Variants in STK3 observed in about 807,000 individuals in gnomAD.
STK3 encodes serine/threonine-protein kinase 3.
A neutral mutation model predicts 58.0 loss-of-function variants in STK3; 41 were observed. The ratio of observed to expected loss-of-function variants is 0.71; its 90% CI spans 0.55 to 0.92. STK3 has a LOEUF of 0.92. Among genes scored for constraint, STK3 ranks in the 40% least tolerant of loss-of-function variants. STK3 has a pLI of 0.00. For synonymous variants in STK3, 170 were observed against 191.0 expected, an observed-to-expected ratio of 0.89 and a Z score of 0.91; for missense variants, 479 against 602.7, an observed-to-expected ratio of 0.79 and a Z score of 2.15.
At chr8:98,588,659 G>T (rs1163407558) in intron 7 of STK3, among the ~76,000 whole-genome samples, 1 of 150,974 alleles carries the variant, frequency 6.6e-6, no homozygotes, top group South Asian at 2.1e-4. Flanking sequence ...TGCTAGATTG[G>T]GGAAGTTCTC....
chr8:98,429,414 C>G (rs1394024664), intron 3 of STK3: 1 of 1,594,778 alleles, frequency 6.3e-7, no homozygotes. Context: ...CCTACGTTAG[C>G]CGGGAGGACT....
intron 1 of STK3, among the ~76,000 whole-genome samples, chr8:98,824,444 G>A (rs1374370310): frequency 6.6e-6 from 1 of 152,176 alleles, no homozygotes; most frequent in Non-Finnish European, 1.5e-5. Flanking sequence ...GCTCCTTCCA[G>A]TTCTTCCAGA....
chr8:98,838,693 G>A (rs1035756417), intron 3 of STK3, among the ~76,000 whole-genome samples: 3 of 152,094 alleles, frequency 2.0e-5, no homozygotes, highest in African/African-American at 7.2e-5. Flanking sequence ...CAGAAGTGCC[G>A]AGGGAGGAAT....
intron 2 of STK3, among the ~76,000 whole-genome samples, chr8:98,773,352 A>G (rs934847888): frequency 6.6e-6 from 1 of 152,126 alleles, no homozygotes; most frequent in Non-Finnish European, 1.5e-5. Flanking sequence ...GCTACCTAAT[A>G]TATCTCTTTA....
intron 1 of STK3, among the ~76,000 whole-genome samples, chr8:98,804,268 C>G (rs200992831): frequency 2.0e-5 from 3 of 152,202 alleles, no homozygotes; most frequent in Non-Finnish European, 4.4e-5. Flanking sequence ...TCCCAAAGTG[C>G]TGGGATTACA....
At chr8:98,861,344 ATTTTTTTTTTTTTT>A (rs772895902) in intron 3 of STK3, among the ~76,000 whole-genome samples, 9 of 85,900 alleles carry the variant, frequency 1.0e-4, no homozygotes, top group Admixed American at 2.3e-4. Context: ...GTTTCTTTGG[ATTTTTTTTTTTTTT>A]TTTTTTTTTT....
chr8:98,429,005 C>T (rs754681380), intron 3 of STK3: 3 of 1,614,148 alleles, frequency 1.9e-6, no homozygotes, highest in South Asian at 1.1e-5. Flanking sequence ...GGATTTCCAT[C>T]TTCTCCGTGG....
chr8:98,634,141 G>T (rs1162669242), intron 6 of STK3, among the ~76,000 whole-genome samples: 1 of 152,136 alleles, frequency 6.6e-6, no homozygotes, highest in Non-Finnish European at 1.5e-5. Context: ...CACAGTGGCA[G>T]TGGAGCTGGA....
chr8:98,463,484 G>T (rs74571041), intron 10 of STK3, among the ~76,000 whole-genome samples: 88 of 152,082 alleles, frequency 5.8e-4, no homozygotes, highest in African/African-American at 1.9e-3. Context: ...AAGTTAGGGT[G>T]GAAAATAAGA....
At chr8:98,728,594 T>G (rs1182996164) in intron 4 of STK3, among the ~76,000 whole-genome samples, 1 of 152,140 alleles carries the variant, frequency 6.6e-6, no homozygotes, top group African/African-American at 2.4e-5. Flanking sequence ...GTACACATTT[T>G]AAAATCCTTT....
chr8:98,491,575 G>C (rs1158367947), intron 10 of STK3, among the ~76,000 whole-genome samples: 1 of 152,072 alleles, frequency 6.6e-6, no homozygotes, highest in Non-Finnish European at 1.5e-5. Flanking sequence ...TGAGTAGCTG[G>C]AATTACAAGC....
chr8:98,446,785 C>A (rs562032591), intron 1 of STK3, among the ~76,000 whole-genome samples: 1 of 152,062 alleles, frequency 6.6e-6, no homozygotes, highest in African/African-American at 2.4e-5. Flanking sequence ...GACATATGCA[C>A]GCAAATGTTC....
chr8:98,854,974 T>C (rs1330637075), intron 3 of STK3, among the ~76,000 whole-genome samples: 1 of 152,182 alleles, frequency 6.6e-6, no homozygotes, highest in Non-Finnish European at 1.5e-5. Context: ...CAAGAATCAC[T>C]TGGACCTGGT....
At chr8:98,389,189 C>T (rs555584975), upstream of STK3, among the ~76,000 whole-genome samples, 7 of 152,306 alleles carry the variant, frequency 4.6e-5, 2 homozygotes, top group African/African-American at 1.7e-4. Flanking sequence ...TTCCTTTTAC[C>T]TCCAGCCTGT....
intron 6 of STK3, among the ~76,000 whole-genome samples, chr8:98,704,145 C>G (rs1825804280): frequency 6.6e-6 from 1 of 152,106 alleles, no homozygotes; most frequent in African/African-American, 2.4e-5. Flanking sequence ...GAATAACTAA[C>G]AGAAAACTAA....
At chr8:98,695,188 G>A (rs994879752) in intron 6 of STK3, among the ~76,000 whole-genome samples, 3 of 152,170 alleles carry the variant, frequency 2.0e-5, no homozygotes, top group Non-Finnish European at 4.4e-5. Context: ...CCCACTTTTT[G>A]ATGGGGTTGT....
intron 4 of STK3, among the ~76,000 whole-genome samples, chr8:98,708,603 G>A (rs1292209073): frequency 6.6e-6 from 1 of 152,192 alleles, no homozygotes; most frequent in Non-Finnish European, 1.5e-5. Context: ...AACAGTTGTA[G>A]CAGTAGAGCC....
chr8:98,654,048 C>A (rs980872572), intron 6 of STK3, among the ~76,000 whole-genome samples: 52 of 152,236 alleles, frequency 3.4e-4, no homozygotes, highest in African/African-American at 1.3e-3. Context: ...AATTTTAGAC[C>A]AATATCCTTG....
At chr8:98,450,603 T>A (rs1461403988), downstream of STK3, among the ~76,000 whole-genome samples, 1 of 152,154 alleles carries the variant, frequency 6.6e-6, no homozygotes, top group Non-Finnish European at 1.5e-5. Context: ...GAAAGACTGA[T>A]AAGAGAGAAT....
Sources: allele counts gnomAD v4.1 joint callset (sites outside exome capture counted in the v4.1 genomes callset), GRCh38; gene constraint gnomAD v4.1.1; transcripts MANE v1.5; gene names NCBI Gene and HGNC (gene_info 2026-07-23, HGNC 2026-07-21).